The following WDR70 variants were observed in gnomAD, a reference collection of about 807,000 sequenced individuals.
WDR70 encodes the protein WD repeat-containing protein 70.
Under a neutral mutation model 88.6 loss-of-function variants are expected in WDR70, and 53 were observed. That is an observed-to-expected ratio of 0.60 (90% CI 0.48 to 0.75). WDR70 has a LOEUF of 0.75. Ranked by LOEUF, WDR70 falls within the 30% of genes least tolerant of loss-of-function variation. The pLI is 0.00. For missense variants in WDR70, 610 were observed against 823.2 expected, an observed-to-expected ratio of 0.74 and a Z score of 3.17; for synonymous variants, 280 against 270.0, an observed-to-expected ratio of 1.04 and a Z score of -0.36.
At chr5:37,459,191 ATAGT>A (rs1285567566) in intron 7 of WDR70, among the ~76,000 whole-genome samples, 10 of 70,020 alleles carry the variant, frequency 1.4e-4, no homozygotes, top group Non-Finnish European at 3.1e-4. Context: ...GGTCTGAGAG[ATAGT>A]TTGTTATAAT....
Position 37,516,433 on chromosome 5 carries a change from A to G in WDR70, c.841-81A>G, listed in dbSNP as rs899784312. The G allele has an allele frequency of 3.9e-6, 3 of 769,614 alleles. No individual in the cohort carries two copies. In the African/African-American group the frequency reaches 5.2e-5, roughly 13 times the overall value. 47.7% of individuals were successfully genotyped at this position (769,614 alleles called of 1,614,324 possible). On this transcript the variant is annotated intron_variant, in intron 8 of 17. Coordinates refer to ENST00000265107, the MANE Select transcript of WDR70 (RefSeq NM_018034.4). ...GGGGAACTAAACATTTTTACATTTA[A>G]AAATGACATGTCAGTTTCTAGTCAG...
chr5:37,381,705 G>A lies in WDR70; in HGVS notation c.175+20G>A. The stretch of plus-strand genomic sequence containing the variant: ...CACTGGGTAAGAAGCTCAGATATTT[G>A]TTCTTTTATTGGTTTAAGTACTATG... On this transcript the variant is annotated intron_variant, in intron 3 of 17. Coordinates refer to ENST00000265107, the MANE Select transcript of WDR70 (RefSeq NM_018034.4). The A allele has an allele frequency of 1.2e-6, 2 of 1,603,508 alleles. No individual in the cohort carries two copies. Among genetic ancestry groups the A allele is most frequent in the Non-Finnish European group, 1.7e-6 (2 of 1,172,674 alleles).
At chr5:37,576,559 G>C (rs1433244779) in intron 9 of WDR70, among the ~76,000 whole-genome samples, 1 of 152,040 alleles carries the variant, frequency 6.6e-6, no homozygotes, top group Non-Finnish European at 1.5e-5. Context: ...TTTTCACTTA[G>C]GACATTAGAA....
intron 10 of WDR70, among the ~76,000 whole-genome samples, chr5:37,627,333 G>A (rs530316263): frequency 2.6e-5 from 4 of 152,186 alleles, no homozygotes; most frequent in South Asian, 4.1e-4. Context: ...GTTCTCAAAC[G>A]TGTGGGCTCA....
chr5:37,535,363 A>G (rs963820523), intron 9 of WDR70, among the ~76,000 whole-genome samples: 7 of 152,102 alleles, frequency 4.6e-5, no homozygotes, highest in East Asian at 3.9e-4. Context: ...AGAAAAGACT[A>G]GTAGTTGACA....
chr5:37,627,844 G>A (rs1214364575), intron 10 of WDR70, among the ~76,000 whole-genome samples: 1 of 152,096 alleles, frequency 6.6e-6, no homozygotes. Flanking sequence ...CTAACATATG[G>A]TCAGTCCTGG....
intron 13 of WDR70, among the ~76,000 whole-genome samples, chr5:37,715,616 G>T (rs1217008398): frequency 6.6e-6 from 1 of 152,142 alleles, no homozygotes; most frequent in Non-Finnish European, 1.5e-5. Context: ...CCATGCATGT[G>T]GCAAGGCCAT....
At chr5:37,597,649 G>C (rs1415532693) in intron 9 of WDR70, among the ~76,000 whole-genome samples, 1 of 152,140 alleles carries the variant, frequency 6.6e-6, no homozygotes. Flanking sequence ...CTACCTTGCT[G>C]CTGCTTTCAC....
intron 10 of WDR70, among the ~76,000 whole-genome samples, chr5:37,660,439 T>C (rs1745670671): frequency 6.8e-6 from 1 of 147,136 alleles, no homozygotes; most frequent in African/African-American, 2.7e-5. Context: ...GATGTGTCTA[T>C]TTCTCCTTTC....
At chr5:37,679,560 G>A (rs998043423) in intron 10 of WDR70, among the ~76,000 whole-genome samples, 10 of 152,194 alleles carry the variant, frequency 6.6e-5, no homozygotes, top group Non-Finnish European at 1.3e-4. Context: ...TTCGTGAACC[G>A]CGAATGCTGC....
At chr5:37,711,995 T>C (rs1160581873) in intron 13 of WDR70, among the ~76,000 whole-genome samples, 57 of 147,086 alleles carry the variant, frequency 3.9e-4, no homozygotes, top group African/African-American at 1.4e-3. Context: ...TTCTTTTTTT[T>C]TTTTTTTTTT....
chr5:37,486,394 A>G (rs1739870731), intron 8 of WDR70, among the ~76,000 whole-genome samples: 1 of 150,888 alleles, frequency 6.6e-6, no homozygotes. Flanking sequence ...TAAGCTGGAG[A>G]GTGCAGTGGC....
intron 10 of WDR70, among the ~76,000 whole-genome samples, chr5:37,620,510 A>G (rs554905950): frequency 6.6e-6 from 1 of 152,302 alleles, no homozygotes; most frequent in African/African-American, 2.4e-5. Flanking sequence ...AGAAAATTAC[A>G]TTTTATATTG....
chr5:37,591,679 T>C (rs767277174), intron 9 of WDR70, among the ~76,000 whole-genome samples: 2 of 152,204 alleles, frequency 1.3e-5, no homozygotes, highest in African/African-American at 4.8e-5. Flanking sequence ...CTCCAACTTA[T>C]TTTATAAGGC....
intron 10 of WDR70, among the ~76,000 whole-genome samples, chr5:37,695,890 T>C (rs1311956205): frequency 5.3e-5 from 8 of 152,314 alleles, no homozygotes. Context: ...TGCAGTACCC[T>C]CTGACTGAAA....
intron 5 of WDR70, among the ~76,000 whole-genome samples, chr5:37,419,844 T>C (rs1749891433): frequency 6.6e-6 from 1 of 152,130 alleles, no homozygotes; most frequent in South Asian, 2.1e-4. Flanking sequence ...ATTATATTTT[T>C]CGCTTTGTTT....
intron 7 of WDR70, among the ~76,000 whole-genome samples, chr5:37,446,375 T>C (rs1391117447): frequency 6.6e-6 from 1 of 152,184 alleles, no homozygotes; most frequent in Non-Finnish European, 1.5e-5. Context: ...CAAGGTAATT[T>C]ATAGATTCAA....
At chr5:37,582,675 T>G (rs957207323) in intron 9 of WDR70, among the ~76,000 whole-genome samples, 8 of 152,252 alleles carry the variant, frequency 5.3e-5, no homozygotes, top group African/African-American at 1.9e-4. Flanking sequence ...AGATAACATG[T>G]GTAAAGCCCT....
chr5:37,399,606 G>A (rs542477163), intron 5 of WDR70, among the ~76,000 whole-genome samples: 56 of 152,204 alleles, frequency 3.7e-4, no homozygotes, highest in Non-Finnish European at 6.9e-4. Flanking sequence ...AACATTTACC[G>A]TTTTAAATTC....
Sources: gnomAD v4.1 joint callset for allele counts (sites outside exome capture counted in the v4.1 genomes callset) on GRCh38, gnomAD v4.1.1 for gene constraint, MANE v1.5 for transcripts, NCBI Gene and HGNC (gene_info 2026-07-23, HGNC 2026-07-21) for gene names.